The following C1orf87 variants were observed in gnomAD, a reference collection of about 807,000 sequenced individuals.
C1orf87 encodes uncharacterized protein C1orf87.
Under a neutral mutation model 60.5 loss-of-function variants are expected in C1orf87, and 58 were observed. The observed-to-expected ratio is 0.96, with a 90% CI of 0.78 to 1.19. The LOEUF (loss-of-function observed/expected upper bound fraction) is 1.19, where lower values mean the gene tolerates loss of function less well. Among genes scored for constraint, C1orf87 ranks in the 50% most tolerant of loss-of-function variants. The pLI is 0.00. For missense variants in C1orf87, 673 were observed against 638.6 expected, an observed-to-expected ratio of 1.05 and a Z score of -0.58; for synonymous variants, 236 against 227.4, an observed-to-expected ratio of 1.04 and a Z score of -0.34.
At chr1:60,064,840 T>TATATATAAATATATATTTAATATATAAA (rs1645529823) in intron 2 of C1orf87, among the ~76,000 whole-genome samples, 1 of 89,278 alleles carries the variant, frequency 1.1e-5, no homozygotes, top group Admixed American at 1.8e-4. Context: ...AAATATATAA[T>TATATATAAATATATATTTAATATATAAA]TATATATTTA....
chr1:60,033,662 G>A lies in C1orf87; in HGVS notation c.864-21C>T, dbSNP rs1054456611. 13 of 1,605,700 alleles carry A rather than the reference G, an allele frequency of 8.1e-6. No homozygotes were observed. The South Asian group carries it at 1.5e-4, about 18-fold the overall frequency. On this transcript the variant is annotated intron_variant, in intron 6 of 11. Transcript: ENST00000371201. ...GAGTGCTGATTGTAGGGGAAATGGGGAAGGCTATGAAAAGGTTATCCACCC... is the reference window on the plus strand; with the variant it reads ...GAGTGCTGATTGTAGGGGAAATGGGAAAGGCTATGAAAAGGTTATCCACCC...
chr1:60,040,309 A>T, intron 4 of C1orf87, 129 bp from the exon 5 acceptor site: 1 of 1,168,040 alleles, frequency 8.6e-7, no homozygotes, highest in South Asian at 1.5e-5. Flanking sequence ...GGAGCAGGAC[A>T]AGTCTGTGGC....
intron 2 of C1orf87, among the ~76,000 whole-genome samples, chr1:60,064,901 A>AAATATATAATATTTTATATTATAT (rs1479747329): frequency 1.2e-4 from 11 of 94,306 alleles, no homozygotes; most frequent in East Asian, 5.3e-4. Context: ...TATATATTCT[A>AAATATATAATATTTTATATTATAT]AATATATAAT....
chr1:60,038,203 C>A, intron 5 of C1orf87, 96 bp from the exon 6 acceptor site: 1 of 585,778 alleles, frequency 1.7e-6, no homozygotes, highest in Non-Finnish European at 2.8e-6. Context: ...TTTTTACCAT[C>A]AAACATTTAA....
rs139693710 is a variant in C1orf87 at position 60,021,220 on chromosome 1, G to T, written c.1127+4181C>A. On this transcript the variant is annotated intron_variant, in intron 8 of 11. Coordinates refer to ENST00000371201, the MANE Select transcript of C1orf87 (RefSeq NM_152377.3). ...AATTACTCAGTCTCAGGTAGTTCCT[G>T]TAGTTCCTTATAGCACTGTGAGAAC... Among the ~76,000 whole-genome samples, 5 of 152,288 alleles carry T rather than the reference G, an allele frequency of 3.3e-5. No individual in the cohort carries two copies. In the East Asian group the frequency reaches 7.7e-4, roughly 24 times the overall value.
intron 8 of C1orf87, among the ~76,000 whole-genome samples, chr1:60,013,518 T>C (rs911255458): frequency 1.2e-4 from 19 of 152,084 alleles, no homozygotes; most frequent in Admixed American, 3.3e-4. Context: ...TTATGTTGAT[T>C]ACTTTCCAAT....
chr1:60,010,399 C>T lies in C1orf87; in HGVS notation c.1185G>A (p.Leu395=), dbSNP rs765248043. The change falls in exon 9 of 12, where the codon TTG becomes TTA. Residue 395 remains leucine (L), a synonymous_variant. Coordinates refer to ENST00000371201, the MANE Select transcript of C1orf87 (RefSeq NM_152377.3). ...AAAAATAATGGAACTCACCTGTAGGCAAATCAGATAACAAATCAGAAGAAG... is the reference window on the plus strand; with the variant it reads ...AAAAATAATGGAACTCACCTGTAGGTAAATCAGATAACAAATCAGAAGAAG... ...TRASSDLLSD[L]PTGKNEKKAP... 145 of 1,612,026 alleles carry T rather than the reference C, an allele frequency of 9.0e-5. No individual in the cohort carries two copies. Among genetic ancestry groups the T allele is most frequent in the Non-Finnish European group, 1.1e-4 (134 of 1,178,740 alleles).
At chr1:60,024,401 G>A (rs999630337) in intron 8 of C1orf87, among the ~76,000 whole-genome samples, 1 of 152,104 alleles carries the variant, frequency 6.6e-6, no homozygotes, top group African/African-American at 2.4e-5. Flanking sequence ...TATGTGTTAC[G>A]AGGTCTGCCT....
intron 7 of C1orf87, among the ~76,000 whole-genome samples, chr1:60,029,576 T>C (rs998747103): frequency 1.3e-5 from 2 of 151,906 alleles, no homozygotes; most frequent in Admixed American, 6.6e-5. Context: ...CTCATGTCAG[T>C]GCTTTCACAT....
At chr1:60,039,856 T>C in intron 5 of C1orf87, 61 bp downstream of exon 5, 1 of 1,528,312 alleles carries the variant, frequency 6.5e-7, no homozygotes, top group Non-Finnish European at 8.8e-7. Context: ...TCTTTTACCC[T>C]TGTGGGTACA....
chr1:60,011,770 T>A (rs544795957), intron 8 of C1orf87, among the ~76,000 whole-genome samples: 5 of 152,256 alleles, frequency 3.3e-5, no homozygotes, highest in African/African-American at 9.6e-5. Context: ...ACTAGTTTAT[T>A]TTGCTTATAC....
intron 2 of C1orf87, among the ~76,000 whole-genome samples, chr1:60,056,714 A>T (rs1645459652): frequency 6.6e-6 from 1 of 152,244 alleles, no homozygotes; most frequent in Non-Finnish European, 1.5e-5. Context: ...ATATCATGTC[A>T]GATTATACTT....
chr1:60,068,057 C>A (rs749420048), intron 2 of C1orf87, among the ~76,000 whole-genome samples: 1 of 151,960 alleles, frequency 6.6e-6, no homozygotes, highest in Non-Finnish European at 1.5e-5. Flanking sequence ...ATTTCTGAGG[C>A]CTCTGTTCTG....
intron 3 of C1orf87, among the ~76,000 whole-genome samples, chr1:60,043,141 G>T (rs1194331537): frequency 6.6e-6 from 1 of 152,154 alleles, no homozygotes; most frequent in African/African-American, 2.4e-5. Context: ...TTAACTTTTG[G>T]AAAAGGCAAA....
At chr1:60,020,443 C>T (rs933093266) in intron 8 of C1orf87, among the ~76,000 whole-genome samples, 2 of 152,192 alleles carry the variant, frequency 1.3e-5, no homozygotes. Context: ...CCCTGAAGAA[C>T]CACAGGGCCA....
At chr1:60,066,460 A>G (rs759036507) in intron 2 of C1orf87, among the ~76,000 whole-genome samples, 4 of 151,762 alleles carry the variant, frequency 2.6e-5, no homozygotes, top group South Asian at 2.1e-4. Context: ...ATAAGAAGCA[A>G]CTCCTCATCT....
chr1:60,040,578 G>A (rs1186547168), intron 4 of C1orf87, among the ~76,000 whole-genome samples: 1 of 152,136 alleles, frequency 6.6e-6, no homozygotes, highest in Non-Finnish European at 1.5e-5. Context: ...AGTTAACTGG[G>A]AGCATAATGG....
chr1:60,063,896 A>G (rs980597750), intron 2 of C1orf87, among the ~76,000 whole-genome samples: 3 of 152,092 alleles, frequency 2.0e-5, no homozygotes, highest in Admixed American at 2.0e-4. Flanking sequence ...GGATTGACGG[A>G]TGCAAATTAT....
chr1:60,067,195 G>A (rs1645552775), intron 2 of C1orf87, among the ~76,000 whole-genome samples: 1 of 152,076 alleles, frequency 6.6e-6, no homozygotes, highest in South Asian at 2.1e-4. Context: ...TGGGATTGCT[G>A]GGTCAAATGG....
Sources: gnomAD v4.1 joint callset for allele counts (sites outside exome capture counted in the v4.1 genomes callset) on GRCh38, gnomAD v4.1.1 for gene constraint, MANE v1.5 for transcripts, NCBI Gene and HGNC (gene_info 2026-07-23, HGNC 2026-07-21) for gene names.